PDE8A: variants seen among roughly 807,000 people sequenced by gnomAD.
The protein encoded by PDE8A is phosphodiesterase 8A, also known as high affinity cAMP-specific and IBMX-insensitive 3',5'-cyclic phosphodiesterase 8A.
A neutral mutation model predicts 105.0 loss-of-function variants in PDE8A; 59 were observed. The observed-to-expected ratio is 0.56, with a 90% confidence interval of 0.46 to 0.70. The LOEUF is 0.70. PDE8A is among the 30% of genes least tolerant of loss of function. The probability of loss-of-function intolerance (pLI) is 0.00; values close to 1 mark genes in which losing one functional copy is unlikely to be tolerated. For synonymous variants in PDE8A, 355 were observed against 371.9 expected (o/e 0.95, Z 0.52); for missense variants, 1,014 against 1,045.9 (o/e 0.97, Z 0.42).
chr15:85,102,386 C>T (rs1259584583), intron 11 of PDE8A, among the ~76,000 whole-genome samples: 2 of 152,134 alleles, frequency 1.3e-5, no homozygotes, highest in African/African-American at 4.8e-5. Context: ...TGCAGACATG[C>T]AGTTTCAGGA....
intron 11 of PDE8A, among the ~76,000 whole-genome samples, chr15:85,104,949 G>A (rs1412843263): frequency 6.6e-6 from 1 of 152,058 alleles, no homozygotes; most frequent in Non-Finnish European, 1.5e-5. Context: ...CTGCTTGCAA[G>A]ATATGTTTCT....
At chr15:85,033,106 T>C (rs2080642899) in intron 1 of PDE8A, among the ~76,000 whole-genome samples, 1 of 152,004 alleles carries the variant, frequency 6.6e-6, no homozygotes, top group Admixed American at 6.6e-5. Context: ...AGAAAATGAG[T>C]AGAATAAGTT....
chr15:85,085,534 T>C (rs12904766), intron 6 of PDE8A, among the ~76,000 whole-genome samples: 83,229 of 151,102 alleles, frequency 0.55, 23,934 homozygotes, highest in African/African-American at 0.74. Context: ...CCTGTCTCTA[T>C]TAAAAATACT....
At chr15:85,017,377 A>C (rs1219078435) in intron 1 of PDE8A, among the ~76,000 whole-genome samples, 3 of 152,174 alleles carry the variant, frequency 2.0e-5, no homozygotes, top group African/African-American at 7.2e-5. Flanking sequence ...GGTTTTCCAG[A>C]CATATCATTA....
intron 21 of PDE8A, 86 bp downstream of exon 21, chr15:85,136,749 A>G: frequency 7.4e-7 from 1 of 1,342,804 alleles, no homozygotes. Context: ...TGACTGTAGA[A>G]TATGATTTGG....
At position 85,067,181 on chromosome 15, in the gene PDE8A, G is replaced by A. The variant is rs776063476; in HGVS notation, c.411G>A (p.Gln137=). The A allele has an allele frequency of 5.0e-6, 8 of 1,613,764 alleles. No homozygotes were observed. The highest frequency in any genetic ancestry group is 3.3e-5 in the Admixed American group (2 of 59,970). The change falls in exon 3 of 22, where the codon CAG becomes CAA. Residue 137 remains glutamine, a synonymous_variant. Transcript: ENST00000394553. ...TCATAGACCACAGAAATCCTCGACA[G>A]CTGGATGCAGAGGCACTGTGCAGGT... ...IIIIDHRNPR[Q]LDAEALCRSI...
At chr15:85,070,163 A>G (rs949592996) in intron 3 of PDE8A, among the ~76,000 whole-genome samples, 1 of 152,080 alleles carries the variant, frequency 6.6e-6, no homozygotes, top group East Asian at 1.9e-4. Flanking sequence ...AACACTGCCT[A>G]TGGAGAGCTT....
intron 11 of PDE8A, among the ~76,000 whole-genome samples, chr15:85,106,703 G>T (rs2081952429): frequency 6.6e-6 from 1 of 152,190 alleles, no homozygotes; most frequent in African/African-American, 2.4e-5. Flanking sequence ...GAGATGGAAG[G>T]CGGAGCAGTT....
intron 19 of PDE8A, 142 bp downstream of exon 19, chr15:85,123,335 GATACACAC>G: frequency 2.1e-6 from 1 of 480,270 alleles, no homozygotes; most frequent in Non-Finnish European, 3.7e-6. Flanking sequence ...GAACTAATGG[GATACACAC>G]ACACACACAC....
chr15:85,122,667 G>A (rs2082199701), intron 18 of PDE8A, among the ~76,000 whole-genome samples: 1 of 152,198 alleles, frequency 6.6e-6, no homozygotes, highest in Non-Finnish European at 1.5e-5. Flanking sequence ...AAGGGTTAGA[G>A]GTGGAGGTAT....
chr15:85,016,477 G>A lies in PDE8A; in HGVS notation c.186+34129G>A, dbSNP rs562396555. Among the ~76,000 whole-genome samples, 3 of 152,084 alleles carry A rather than the reference G, an allele frequency of 2.0e-5. No individual in the cohort carries two copies. In the East Asian group the frequency reaches 5.8e-4, roughly 29 times the overall value. ...TTTGAGATAAATTCCATTCATAATT[G>A]AGTTCATTTCTGGATTCTCTGTACT... On this transcript the variant is annotated intron_variant, in intron 1 of 21. Transcript: ENST00000394553.
chr15:85,115,009 T>C (rs187347198), intron 14 of PDE8A, among the ~76,000 whole-genome samples: 50 of 152,196 alleles, frequency 3.3e-4, no homozygotes, highest in African/African-American at 1.2e-3. Context: ...GAGGAGCTAA[T>C]GTTTCCAGGA....
chr15:85,109,281 C>A, intron 12 of PDE8A, 151 bp downstream of exon 12: 1 of 516,036 alleles, frequency 1.9e-6, no homozygotes, highest in Non-Finnish European at 3.5e-6. Context: ...TTCTCCCTCT[C>A]TGTGGACTCC....
intron 1 of PDE8A, among the ~76,000 whole-genome samples, chr15:85,009,649 T>C (rs1596438591): frequency 6.6e-6 from 1 of 152,186 alleles, no homozygotes; most frequent in South Asian, 2.1e-4. Context: ...TGACAAAAAC[T>C]AACCAAACAA....
intron 1 of PDE8A, among the ~76,000 whole-genome samples, chr15:85,034,302 G>T (rs1023083931): frequency 1.3e-5 from 2 of 152,048 alleles, no homozygotes; most frequent in East Asian, 3.9e-4. Flanking sequence ...GAATATTCTC[G>T]TGAACGCTTC....
chr15:84,999,253 T>G (rs1362391796), intron 1 of PDE8A, among the ~76,000 whole-genome samples: 1 of 151,592 alleles, frequency 6.6e-6, no homozygotes, highest in Non-Finnish European at 1.5e-5. Flanking sequence ...CCCAAGCAGC[T>G]GGGATTATAG....
chr15:85,083,491 A>T, intron 5 of PDE8A, 65 bp from the exon 6 acceptor site: 1 of 941,468 alleles, frequency 1.1e-6, no homozygotes, highest in Non-Finnish European at 1.7e-6. Flanking sequence ...TTAAAGAGTT[A>T]TTTTTATTGG....
At chr15:84,991,954 C>G (rs1384600886) in intron 1 of PDE8A, among the ~76,000 whole-genome samples, 1 of 151,960 alleles carries the variant, frequency 6.6e-6, no homozygotes, top group East Asian at 1.9e-4. Context: ...TTGAGATCAG[C>G]CTGGACAACA....
In PDE8A at chr15:84,982,339, C is replaced by A; in HGVS notation, c.177C>A (p.Ser59Arg). 7.5e-7 allele frequency: 1 copy of A among 1,326,974 alleles called. No individual in the cohort carries two copies. Among genetic ancestry groups the A allele is most frequent in the Non-Finnish European group, 9.6e-7 (1 of 1,041,800 alleles). The allele number at this position is 1,326,974 out of a possible 1,614,324, so 82.2% of individuals were successfully genotyped here. A position where few individuals can be genotyped will look rare whatever the true frequency, so the allele number is the denominator to read the frequency against. ...TGGAGTCGGAGCTTCGCGACGGCAG[C>A]GGCAAGAAGGTAAGGGGCGCCGGGC... ...GLLESELRDG[S>R]GKKVAVADVQ... is the part of the protein sequence containing the mutation. Residue 59 changes from serine (S) to arginine (R), a missense_variant, in exon 1 of 22, where the codon AGC becomes AGA. Physicochemically the swap from Ser to Arg is moderately radical, Grantham distance 110. Coordinates refer to ENST00000394553, the MANE Select transcript of PDE8A (RefSeq NM_002605.3).
Sources: gnomAD v4.1 joint callset for allele counts (sites outside exome capture counted in the v4.1 genomes callset) on GRCh38, gnomAD v4.1.1 for gene constraint, MANE v1.5 for transcripts, NCBI Gene and HGNC (gene_info 2026-07-23, HGNC 2026-07-21) for gene names.